PDE10A: variants seen among roughly 807,000 people sequenced by gnomAD.
The protein encoded by PDE10A is cAMP and cAMP-inhibited cGMP 3',5'-cyclic phosphodiesterase 10A.
In PDE10A, 39 loss-of-function variants were observed where a neutral mutation model predicts 97.7. That is an observed-to-expected ratio of 0.40 (90% confidence interval 0.31 to 0.52). The LOEUF is 0.52. PDE10A is among the 20% of genes least tolerant of loss of function. The pLI, the probability that PDE10A is intolerant of heterozygous loss-of-function variation, is 0.56. For missense variants in PDE10A, 731 were observed against 1,047.8 expected, an observed-to-expected ratio of 0.70 and a Z score of 4.17; for synonymous variants, 371 against 376.8, an observed-to-expected ratio of 0.98 and a Z score of 0.18.
At chr6:165,820,179 A>G (rs1055471929) in intron 1 of PDE10A, among the ~76,000 whole-genome samples, 13 of 152,218 alleles carry the variant, frequency 8.5e-5, no homozygotes, top group African/African-American at 3.1e-4. Context: ...ATACAAATGA[A>G]TGAACTGCAC....
At chr6:165,640,483 A>G (rs542785425) in intron 1 of PDE10A, among the ~76,000 whole-genome samples, 22 of 152,368 alleles carry the variant, frequency 1.4e-4, no homozygotes, top group African/African-American at 5.3e-4. Context: ...AAAATGGGAA[A>G]GAAAACAGTT....
chr6:165,483,882 C>T (rs1325675834), intron 2 of PDE10A, among the ~76,000 whole-genome samples: 1 of 152,198 alleles, frequency 6.6e-6, no homozygotes. Context: ...TTAGTTAGTA[C>T]TTCTCAAACT....
rs1340613889 is a variant in PDE10A at position 165,662,068 on chromosome 6, G to C, written c.744C>G (p.Pro248=). The C allele has an allele frequency of 2.5e-5, 35 of 1,384,678 alleles. No homozygotes were observed. Among genetic ancestry groups the C allele is most frequent in the Non-Finnish European group, 2.8e-5 (30 of 1,054,534 alleles). 85.8% of individuals were successfully genotyped at this position (1,384,678 alleles called of 1,614,324 possible). A position where few individuals can be genotyped will look rare whatever the true frequency, so the allele number is the denominator to read the frequency against. Residue 248 remains proline, a synonymous_variant, in exon 1 of 22, where the codon CCC becomes CCG. Coordinates refer to ENST00000539869, the MANE Select transcript of PDE10A (RefSeq NM_001385079.1). ...CGGCGAGGGCGAAGCTGGCGCCCTG[G>C]GGACGCCGCGGAGTTTGGCCGCCGC... ...PGGGGQTPRR[P]QGASFALAAA...
rs146892961 is a variant in PDE10A at position 165,913,863 on chromosome 6, A to G, written c.-615+73666T>C. 1.4e-4 allele frequency among the ~76,000 whole-genome samples: 21 copies of G among 152,380 alleles called. No homozygotes were observed. The East Asian group carries it at 1.9e-3, about 14-fold the overall frequency. ...CACACATGTGTGAGACAAGCCATCC[A>G]GCAAATCTATGGTTCTTGCAGTTTC... On this transcript the variant is annotated intron_variant, in intron 1 of 19. Transcript: ENST00000366882.
At chr6:165,876,985 C>T (rs1262594729) in intron 1 of PDE10A, among the ~76,000 whole-genome samples, 5 of 152,166 alleles carry the variant, frequency 3.3e-5, no homozygotes, top group Admixed American at 1.3e-4. Context: ...AAGCAAATAC[C>T]ATGGATTCAA....
intron 1 of PDE10A, among the ~76,000 whole-genome samples, chr6:165,638,888 C>CAATAT (rs1228589712): frequency 2.6e-5 from 4 of 152,164 alleles, no homozygotes; most frequent in African/African-American, 9.7e-5. Flanking sequence ...CATTATATAA[C>CAATAT]AATAAGGCTT....
At chr6:165,651,053 T>C (rs1347760151) in intron 1 of PDE10A, among the ~76,000 whole-genome samples, 2 of 152,192 alleles carry the variant, frequency 1.3e-5, no homozygotes, top group Non-Finnish European at 2.9e-5. Context: ...ATTTTTAATA[T>C]TGATGGATAC....
chr6:165,497,275 C>T (rs1167339721), intron 2 of PDE10A, among the ~76,000 whole-genome samples: 2 of 152,174 alleles, frequency 1.3e-5, no homozygotes, highest in Non-Finnish European at 2.9e-5. Context: ...ACCATCCCAT[C>T]CCATCCCATC....
At chr6:165,936,892 G>A (rs1783349613) in intron 1 of PDE10A, among the ~76,000 whole-genome samples, 1 of 152,210 alleles carries the variant, frequency 6.6e-6, no homozygotes, top group Non-Finnish European at 1.5e-5. Context: ...GTTGAACTGA[G>A]AAAGGGCATT....
At chr6:165,674,109 T>C (rs554201748) in intron 1 of PDE10A, among the ~76,000 whole-genome samples, 15 of 152,308 alleles carry the variant, frequency 9.8e-5, no homozygotes, top group African/African-American at 2.9e-4. Flanking sequence ...TTCTAGAGAC[T>C]CATTGCCCAG....
chr6:165,556,100 A>C lies in PDE10A; in HGVS notation c.866-12532T>G, dbSNP rs144109625. The stretch of plus-strand genomic sequence containing the variant: ...AGAAACTATAAGTGTTAATAAACTT[A>C]TGTTATTGATAAGGCTTTTCTGTCA... On this transcript the variant is annotated intron_variant, in intron 1 of 21. Coordinates refer to ENST00000539869, the MANE Select transcript of PDE10A (RefSeq NM_001385079.1). 1.6e-3 allele frequency among the ~76,000 whole-genome samples: 240 copies of C among 152,362 alleles called. 1 individual carries two copies. Among genetic ancestry groups the C allele is most frequent in the Non-Finnish European group, 2.6e-3 (177 of 68,032 alleles).
intron 1 of PDE10A, among the ~76,000 whole-genome samples, chr6:165,752,681 A>G (rs903431): frequency 0.89 from 135,955 of 152,156 alleles, 60,953 homozygotes; most frequent in East Asian, 0.95. Flanking sequence ...GGTATTCATC[A>G]TTAGGCCTCT....
At chr6:165,591,749 G>C (rs1397536383) in intron 1 of PDE10A, among the ~76,000 whole-genome samples, 4 of 152,108 alleles carry the variant, frequency 2.6e-5, no homozygotes, top group Non-Finnish European at 5.9e-5. Flanking sequence ...TATAAATTAA[G>C]GATATAATCT....
chr6:165,528,974 T>G (rs576224486), intron 2 of PDE10A, among the ~76,000 whole-genome samples: 1 of 152,268 alleles, frequency 6.6e-6, no homozygotes, highest in African/African-American at 2.4e-5. Context: ...GGGGTGGAAG[T>G]GGAAGTGGCA....
intron 1 of PDE10A, among the ~76,000 whole-genome samples, chr6:165,981,726 A>G (rs1785023306): frequency 6.6e-6 from 1 of 152,250 alleles, no homozygotes; most frequent in African/African-American, 2.4e-5. Flanking sequence ...TTTGCCATCA[A>G]ACTTCTGTAA....
chr6:165,790,852 T>C (rs1778628751), intron 1 of PDE10A, among the ~76,000 whole-genome samples: 1 of 152,160 alleles, frequency 6.6e-6, no homozygotes, highest in South Asian at 2.1e-4. Context: ...TTTATTTGAT[T>C]GACGAGAGTA....
At chr6:165,490,177 C>T (rs1424821087) in intron 2 of PDE10A, among the ~76,000 whole-genome samples, 3 of 152,178 alleles carry the variant, frequency 2.0e-5, no homozygotes, top group Non-Finnish European at 2.9e-5. Flanking sequence ...AGGAAAGAAT[C>T]GTAAGAGCTG....
At chr6:165,417,134 C>G (rs1165715744) in intron 11 of PDE10A, among the ~76,000 whole-genome samples, 1 of 152,126 alleles carries the variant, frequency 6.6e-6, no homozygotes, top group Non-Finnish European at 1.5e-5. Context: ...AGCTAGAGGA[C>G]TATCAGAAAA....
chr6:165,709,318 A>ACT (rs1791823488), intron 1 of PDE10A, among the ~76,000 whole-genome samples: 1 of 31,474 alleles, frequency 3.2e-5, no homozygotes, highest in South Asian at 1.2e-3. Context: ...CTCTCCCCCC[A>ACT]CTCCACCGCT....
Sources: gnomAD v4.1 joint callset for allele counts (sites outside exome capture counted in the v4.1 genomes callset) on GRCh38, gnomAD v4.1.1 for gene constraint, MANE v1.5 for transcripts, NCBI Gene and HGNC (gene_info 2026-07-23, HGNC 2026-07-21) for gene names.